Variants in AGMO observed in about 807,000 individuals in gnomAD.
AGMO encodes the protein glyceryl-ether monooxygenase.
Under a neutral mutation model 60.2 loss-of-function variants are expected in AGMO, and 75 were observed. That is an observed-to-expected ratio of 1.25 (90% CI 1.03 to 1.51). The LOEUF (loss-of-function observed/expected upper bound fraction) is 1.51, where lower values mean the gene tolerates loss of function less well. Ranked by LOEUF, AGMO falls within the 40% of genes most tolerant of loss-of-function variation. The probability of loss-of-function intolerance (pLI) is 0.00; values close to 1 mark genes in which losing one functional copy is unlikely to be tolerated. For synonymous variants in AGMO, 261 were observed against 177.1 expected, an observed-to-expected ratio of 1.47 and a Z score of -3.76; for missense variants, 763 against 525.5, an observed-to-expected ratio of 1.45 and a Z score of -4.42.
chr7:15,172,893 T>C, the AGMO span, among the ~76,000 whole-genome samples: 1 of 152,254 alleles, frequency 6.6e-6, no homozygotes, highest in African/African-American at 2.4e-5. Context: ...CCAGCAAATA[T>C]TTTATATCTG....
intron 4 of AGMO, among the ~76,000 whole-genome samples, chr7:15,430,377 T>A (rs1363338050): frequency 6.6e-6 from 1 of 150,866 alleles, no homozygotes; most frequent in Non-Finnish European, 1.5e-5. Context: ...CAAGAAGAGC[T>A]AAGCAAGGAA....
chr7:15,390,125 T>G (rs1391803957), intron 8 of AGMO, among the ~76,000 whole-genome samples: 1 of 152,112 alleles, frequency 6.6e-6, no homozygotes, highest in African/African-American at 2.4e-5. Flanking sequence ...ATTTCTCTAG[T>G]GCCAACCATC....
At chr7:15,214,761 T>C (rs1781687473) in intron 12 of AGMO, among the ~76,000 whole-genome samples, 1 of 151,996 alleles carries the variant, frequency 6.6e-6, no homozygotes, top group African/African-American at 2.4e-5. Context: ...AAAAAAAGAG[T>C]GGAATACACC....
At chr7:15,193,048 T>C in the AGMO span, among the ~76,000 whole-genome samples, 2,802 of 152,332 alleles carry the variant, frequency 0.018, 79 homozygotes, top group African/African-American at 0.063. Flanking sequence ...TTGTTTCTAA[T>C]ATGGTGTTAT....
At chr7:15,319,729 G>A (rs10266208) in intron 12 of AGMO, among the ~76,000 whole-genome samples, 88,782 of 151,846 alleles carry the variant, frequency 0.58, 26,942 homozygotes, top group African/African-American at 0.76. Flanking sequence ...TAAGCAGCAA[G>A]AAAAATGACA....
At chr7:15,284,552 C>T (rs1297205978) in intron 12 of AGMO, among the ~76,000 whole-genome samples, 1 of 151,934 alleles carries the variant, frequency 6.6e-6, no homozygotes, top group Admixed American at 6.6e-5. Flanking sequence ...ACACCAATAA[C>T]AACCAGCAAG....
chr7:15,258,747 G>C (rs1349967350), intron 12 of AGMO, among the ~76,000 whole-genome samples: 1 of 151,932 alleles, frequency 6.6e-6, no homozygotes, highest in African/African-American at 2.4e-5. Flanking sequence ...TCACATCACA[G>C]AACTCTTTCT....
At chr7:15,347,336 T>A (rs1224552027) in intron 12 of AGMO, among the ~76,000 whole-genome samples, 1 of 152,076 alleles carries the variant, frequency 6.6e-6, no homozygotes, top group Non-Finnish European at 1.5e-5. Context: ...AATGCCAAAC[T>A]AGATAATTAG....
chr7:15,247,929 T>C (rs758870238), intron 12 of AGMO, among the ~76,000 whole-genome samples: 1 of 151,578 alleles, frequency 6.6e-6, no homozygotes, highest in African/African-American at 2.4e-5. Flanking sequence ...ATGCCTATAT[T>C]AGTCAGAGAA....
intron 3 of AGMO, among the ~76,000 whole-genome samples, chr7:15,534,429 G>A (rs1784437660): frequency 6.6e-6 from 1 of 151,838 alleles, no homozygotes; most frequent in South Asian, 2.1e-4. Context: ...TATTCACTTG[G>A]GGAAAAGAGA....
intron 3 of AGMO, among the ~76,000 whole-genome samples, chr7:15,439,986 C>T (rs919280534): frequency 4.6e-5 from 7 of 152,120 alleles, no homozygotes; most frequent in African/African-American, 1.4e-4. Flanking sequence ...AAACACCAAA[C>T]CAGCTGTATT....
chr7:15,175,422 A>G, the AGMO span, among the ~76,000 whole-genome samples: 3 of 151,990 alleles, frequency 2.0e-5, no homozygotes, highest in East Asian at 3.8e-4. Context: ...TTTTGGGGGG[A>G]AAATTCATGT....
At chr7:15,369,762 C>T (rs1332859395) in intron 10 of AGMO, among the ~76,000 whole-genome samples, 1 of 152,010 alleles carries the variant, frequency 6.6e-6, no homozygotes, top group Non-Finnish European at 1.5e-5. Flanking sequence ...CATTCACTGT[C>T]GTATCCCAAG....
chr7:15,475,739 C>A (rs1003691518), intron 3 of AGMO, among the ~76,000 whole-genome samples: 1 of 151,814 alleles, frequency 6.6e-6, no homozygotes, highest in Non-Finnish European at 1.5e-5. Context: ...TAAATCTTGT[C>A]ATGCTTTTTC....
chr7:15,560,556 C>G (rs1038208044), intron 1 of AGMO, among the ~76,000 whole-genome samples: 2 of 152,058 alleles, frequency 1.3e-5, no homozygotes, highest in African/African-American at 4.8e-5. Flanking sequence ...AGAGGAACAT[C>G]TTCCAAATTA....
chr7:15,344,210 TTGAA>T (rs778181187), intron 12 of AGMO, among the ~76,000 whole-genome samples: 3 of 152,174 alleles, frequency 2.0e-5, no homozygotes, highest in Non-Finnish European at 4.4e-5. Flanking sequence ...ACAATATTTG[TTGAA>T]TGAATAAGTT....
chr7:15,171,629 C>T, the AGMO span, among the ~76,000 whole-genome samples: 1 of 152,126 alleles, frequency 6.6e-6, no homozygotes, highest in South Asian at 2.1e-4. Context: ...CTTTCTTTCA[C>T]TAAACAATTT....
chr7:15,184,756 A>C, the AGMO span, among the ~76,000 whole-genome samples: 38 of 141,652 alleles, frequency 2.7e-4, no homozygotes, highest in Non-Finnish European at 7.7e-5. Flanking sequence ...GGAAAGTATT[A>C]AGGAAGGAAA....
In AGMO at chr7:15,365,523, A is replaced by G; in HGVS notation, c.1254T>C (p.Ser418=). Reference sequence around the variant, plus strand: ...TAAACAAATGTCTTACCTCAAAAGCAGATGACAATGAAGGGACAAGAGGCT... The same window carrying G: ...TAAACAAATGTCTTACCTCAAAAGCGGATGACAATGAAGGGACAAGAGGCT... ...HLKPLVPSLS[S]AFEIVFSICI... is the part of the protein sequence containing the mutation. Residue 418 remains serine (S), a synonymous_variant, in exon 12 of 13, where the codon TCT becomes TCC. Coordinates refer to ENST00000342526, the MANE Select transcript of AGMO (RefSeq NM_001004320.2). The G allele has an allele frequency of 6.2e-7, 1 of 1,610,748 alleles. No homozygotes were observed. Among genetic ancestry groups the G allele is most frequent in the African/African-American group, 1.3e-5 (1 of 74,946 alleles).
Sources: allele counts gnomAD v4.1 joint callset (sites outside exome capture counted in the v4.1 genomes callset), GRCh38; gene constraint gnomAD v4.1.1; transcripts MANE v1.5; gene names NCBI Gene and HGNC (gene_info 2026-07-23, HGNC 2026-07-21).